The following CDK15 variants were observed in gnomAD, a reference collection of about 807,000 sequenced individuals.
CDK15 encodes the protein cyclin dependent kinase 15, also known as cyclin-dependent kinase 15.
A neutral mutation model predicts 60.3 loss-of-function variants in CDK15; 62 were observed. The observed-to-expected ratio is 1.03, with a 90% confidence interval of 0.84 to 1.27. The LOEUF (loss-of-function observed/expected upper bound fraction) is 1.27. Ranked by LOEUF, CDK15 falls within the 50% of genes most tolerant of loss-of-function variation. The pLI is 0.00. For synonymous variants in CDK15, 194 were observed against 195.7 expected, an observed-to-expected ratio of 0.99 and a Z score of 0.07; for missense variants, 541 against 527.8, an observed-to-expected ratio of 1.03 and a Z score of -0.25.
chr2:201,861,017 T>A (rs1698371663), intron 10 of CDK15: 6 of 1,170,820 alleles, frequency 5.1e-6, no homozygotes, highest in Non-Finnish European at 6.5e-6. Flanking sequence ...CGGCATCAGC[T>A]TGGTTGTATG....
intron 12 of CDK15, among the ~76,000 whole-genome samples, chr2:201,880,681 C>T (rs528988588): frequency 2.0e-5 from 3 of 152,274 alleles, no homozygotes; most frequent in Non-Finnish European, 4.4e-5. Flanking sequence ...TCCGAGGCTG[C>T]CCACCTCCTG....
At chr2:201,885,674 T>G (rs1310991303) in intron 12 of CDK15, among the ~76,000 whole-genome samples, 1 of 152,172 alleles carries the variant, frequency 6.6e-6, no homozygotes, top group African/African-American at 2.4e-5. Flanking sequence ...TTGGTTAAAT[T>G]TGTTACGTTC....
At chr2:201,875,485 A>T (rs899334371) in intron 11 of CDK15, among the ~76,000 whole-genome samples, 1 of 152,204 alleles carries the variant, frequency 6.6e-6, no homozygotes, top group Non-Finnish European at 1.5e-5. Context: ...ACACAAACCC[A>T]CAAAGATTTC....
At chr2:201,870,042 GA>G (rs1698796169) in intron 10 of CDK15, among the ~76,000 whole-genome samples, 1 of 151,618 alleles carries the variant, frequency 6.6e-6, no homozygotes, top group African/African-American at 2.4e-5. Context: ...AATGCCAGCA[GA>G]GAGGTCCACA....
At chr2:201,863,527 G>A (rs2105802796) in intron 10 of CDK15, among the ~76,000 whole-genome samples, 1 of 152,240 alleles carries the variant, frequency 6.6e-6, no homozygotes, top group Non-Finnish European at 1.5e-5. Flanking sequence ...CATGTTTATG[G>A]CCAGTGCTTT....
rs1297048578 is a variant in CDK15, at chr2:201,895,389, GCTTATGCATATGCATATAC to G, written c.*2135_*2153del. On this transcript the variant is annotated 3_prime_UTR_variant, in exon 14 of 14. Transcript: ENST00000652192. ...CCTCTTTATAATGGAGGAACATTAT[GCTTATGCATATGCATATAC>G]CTTATGCATATGATTATGCTTGTGC... is the stretch of plus-strand genomic sequence containing the variant. The G allele has an allele frequency of 2.0e-5, 3 of 152,222 alleles. No individual in the cohort carries two copies. The highest frequency in any genetic ancestry group is 4.4e-5 in the Non-Finnish European group (3 of 68,030). 9.4% of individuals were successfully genotyped at this position (152,222 alleles called of 1,614,324 possible). A position where few individuals can be genotyped will look rare whatever the true frequency, so the allele number is the denominator to read the frequency against.
intron 10 of CDK15, among the ~76,000 whole-genome samples, chr2:201,868,402 C>T (rs185480480): frequency 8.5e-5 from 13 of 152,244 alleles, no homozygotes; most frequent in South Asian, 4.1e-4. Flanking sequence ...TGGGTTCACC[C>T]GGGTCCTGGG....
chr2:201,817,563 C>A (rs1309705774), intron 4 of CDK15, among the ~76,000 whole-genome samples: 2 of 152,152 alleles, frequency 1.3e-5, no homozygotes, highest in African/African-American at 4.8e-5. Context: ...TAAGATCATT[C>A]TCTAGTAGAA....
intron 8 of CDK15, among the ~76,000 whole-genome samples, chr2:201,837,445 GGAAAGGAAGGAA>G (rs1559127405): frequency 1.1e-5 from 1 of 90,422 alleles, no homozygotes; most frequent in Non-Finnish European, 2.3e-5. Flanking sequence ...AAGGAAGGAA[GGAAAGGAAGGAA>G]GGAAGGAAGG....
In CDK15 at chr2:201,882,684, T is replaced by A. The variant is rs1483438306; in HGVS notation, c.1198+2517T>A. On this transcript the variant is annotated intron_variant, in intron 12 of 13. Coordinates refer to ENST00000652192, the MANE Select transcript of CDK15 (RefSeq NM_001366386.2). This position sits in a 1 kb window ranked among gnomAD's most constrained non-coding sequence, Gnocchi z 4.0. Reference sequence around the variant, plus strand: ...TCGTGCACATGAGTGCACGAGCATGTGTGTGTGCTTGTGTATGTGTGTGAC... The same window carrying A: ...TCGTGCACATGAGTGCACGAGCATGAGTGTGTGCTTGTGTATGTGTGTGAC... Among the ~76,000 whole-genome samples, 1 of 148,454 alleles carries A rather than the reference T, an allele frequency of 6.7e-6. No homozygotes were observed. The highest frequency in any genetic ancestry group is 2.5e-5 in the African/African-American group (1 of 40,512).
chr2:201,806,604 G>A lies in CDK15; in HGVS notation c.-61G>A. The A allele has an allele frequency of 6.6e-7, 1 of 1,504,636 alleles. No homozygotes were observed. Among genetic ancestry groups the A allele is most frequent in the East Asian group, 2.4e-5 (1 of 41,384 alleles). The allele number at this position is 1,504,636 out of a possible 1,614,324, so 93.2% of individuals were successfully genotyped here. A position where few individuals can be genotyped will look rare whatever the true frequency, so the allele number is the denominator to read the frequency against. ...CTCTGGCAAAAAGGGAGAGAACAAGGATAGGAGAGGCAGTGGGGGAAAGGT... is the reference window on the plus strand; with the variant it reads ...CTCTGGCAAAAAGGGAGAGAACAAGAATAGGAGAGGCAGTGGGGGAAAGGT... On this transcript the variant is annotated 5_prime_UTR_variant, in exon 1 of 14. Transcript: ENST00000652192.
At chr2:201,812,699 G>GA in intron 4 of CDK15, 137 bp downstream of exon 4, 1 of 464,438 alleles carries the variant, frequency 2.2e-6, no homozygotes, top group Non-Finnish European at 3.8e-6. Context: ...TTTCATACAA[G>GA]TTTTTCAAGA....
intron 10 of CDK15, among the ~76,000 whole-genome samples, chr2:201,862,169 A>G (rs370359771): frequency 1.1e-4 from 16 of 152,232 alleles, no homozygotes; most frequent in African/African-American, 3.9e-4. Context: ...CCTAGACTGC[A>G]GTAATATGTC....
chr2:201,867,383 G>A (rs1453966328), intron 10 of CDK15, among the ~76,000 whole-genome samples: 4 of 152,158 alleles, frequency 2.6e-5, no homozygotes, highest in Non-Finnish European at 5.9e-5. Flanking sequence ...CTAACACTTT[G>A]GGAGGCTGGG....
At position 201,882,883 on chromosome 2, in the gene CDK15, C is replaced by T. The variant is rs1380672069; in HGVS notation, c.1198+2716C>T. 6.6e-6 allele frequency among the ~76,000 whole-genome samples: 1 copy of T among 152,204 alleles called. No homozygotes were observed. Among genetic ancestry groups the T allele is most frequent in the Admixed American group, 6.5e-5 (1 of 15,276 alleles). ...ACATTATCTACTAAGAGATGCGGTC[C>T]TTGGCCTGGCAGTGCCAGCCTGCTT... On this transcript the variant is annotated intron_variant, in intron 12 of 13. Transcript: ENST00000652192. This position sits in a 1 kb window ranked among gnomAD's most constrained non-coding sequence, Gnocchi z 4.0.
chr2:201,808,322 C>A (rs1180773960), intron 3 of CDK15, among the ~76,000 whole-genome samples: 1 of 152,210 alleles, frequency 6.6e-6, no homozygotes, highest in Non-Finnish European at 1.5e-5. Flanking sequence ...CTCCCTAAAT[C>A]ACAATGACAG....
At chr2:201,861,562 T>C in intron 10 of CDK15, 4 of 958,066 alleles carry the variant, frequency 4.2e-6, no homozygotes, top group Non-Finnish European at 5.0e-6. Flanking sequence ...TTTTTTTTTT[T>C]TTCTTTTTTT....
intron 12 of CDK15, among the ~76,000 whole-genome samples, chr2:201,886,233 G>A (rs752169067): frequency 1.6e-4 from 25 of 151,940 alleles, no homozygotes; most frequent in South Asian, 4.2e-4. Context: ...TACACCCCAG[G>A]ACCAACTTCT....
At chr2:201,891,704 A>C (rs1252349779) in intron 13 of CDK15, among the ~76,000 whole-genome samples, 1 of 152,156 alleles carries the variant, frequency 6.6e-6, no homozygotes, top group Non-Finnish European at 1.5e-5. Context: ...AACCCTATAG[A>C]TGTCTCAAGA....
Sources: allele counts gnomAD v4.1 joint callset (sites outside exome capture counted in the v4.1 genomes callset), GRCh38; gene constraint gnomAD v4.1.1; non-coding constraint Gnocchi (gnomAD v3.1); transcripts MANE v1.5; gene names NCBI Gene and HGNC (gene_info 2026-07-23, HGNC 2026-07-21).